The following MTMR9 variants were observed in gnomAD, a reference collection of about 807,000 sequenced individuals.
MTMR9 encodes the protein myotubularin-related protein 9.
In MTMR9, 39 loss-of-function variants were observed where a neutral mutation model predicts 69.5. That is an observed-to-expected ratio of 0.56 (90% CI 0.43 to 0.73). The LOEUF is 0.73. Among genes scored for constraint, MTMR9 ranks in the 30% least tolerant of loss-of-function variants. The probability of loss-of-function intolerance (pLI) is 0.00; values close to 1 mark genes in which losing one functional copy is unlikely to be tolerated. For synonymous variants in MTMR9, 354 were observed against 240.8 expected, an observed-to-expected ratio of 1.47 and a Z score of -4.35; for missense variants, 900 against 671.2, an observed-to-expected ratio of 1.34 and a Z score of -3.77.
At chr8:11,288,066 ATT>A (rs1337295195) in intron 1 of MTMR9, among the ~76,000 whole-genome samples, 1 of 130,666 alleles carries the variant, frequency 7.7e-6, no homozygotes, top group Non-Finnish European at 1.6e-5. Flanking sequence ...TATAATATAT[ATT>A]ATATTTCACC....
downstream of MTMR9, chr8:11,332,223 A>T: frequency 6.7e-7 from 1 of 1,482,790 alleles, no homozygotes; most frequent in Non-Finnish European, 9.0e-7. Flanking sequence ...ATTATAATAA[A>T]TCCTAGGAAA....
At chr8:11,303,331 CAAT>C (rs1799818625) in intron 3 of MTMR9, among the ~76,000 whole-genome samples, 1 of 151,150 alleles carries the variant, frequency 6.6e-6, no homozygotes, top group East Asian at 1.9e-4. Context: ...AGTAGGAAAT[CAAT>C]AATAATATAT....
intron 1 of MTMR9, among the ~76,000 whole-genome samples, chr8:11,288,303 A>G (rs1479488380): frequency 1.4e-5 from 2 of 139,552 alleles, no homozygotes; most frequent in Non-Finnish European, 3.0e-5. Context: ...AATATATATT[A>G]TAATATGTAT....
intron 3 of MTMR9, among the ~76,000 whole-genome samples, chr8:11,302,128 CTT>C: frequency 6.6e-6 from 1 of 151,446 alleles, no homozygotes; most frequent in Admixed American, 6.6e-5. Flanking sequence ...TAATGTGTGT[CTT>C]TGGTCCCAGT....
At chr8:11,320,513 G>C (rs895049838) in intron 9 of MTMR9, 1 of 152,192 alleles carries the variant, frequency 6.6e-6, no homozygotes, top group Non-Finnish European at 1.5e-5. Context: ...TGGATCACTT[G>C]AGGTCAGAAG....
At chr8:11,302,502 G>C (rs1163622927) in intron 3 of MTMR9, among the ~76,000 whole-genome samples, 1 of 151,988 alleles carries the variant, frequency 6.6e-6, no homozygotes, top group African/African-American at 2.4e-5. Flanking sequence ...TGACCTGCAT[G>C]GTGTTAGATT....
At chr8:11,308,376 C>G (rs1375553173) in intron 5 of MTMR9, among the ~76,000 whole-genome samples, 1 of 152,170 alleles carries the variant, frequency 6.6e-6, no homozygotes, top group African/African-American at 2.4e-5. Flanking sequence ...GGGTTTTATT[C>G]TGTTCCATTA....
intron 9 of MTMR9, among the ~76,000 whole-genome samples, chr8:11,321,980 G>A (rs1177973320): frequency 6.6e-6 from 1 of 152,186 alleles, no homozygotes; most frequent in African/African-American, 2.4e-5. Context: ...TTATTGTGGT[G>A]TGATACAGTT....
In MTMR9 at chr8:11,304,921, A is replaced by G. The variant is rs1264770670; in HGVS notation, c.498A>G (p.Lys166=). The G allele has an allele frequency of 6.2e-7, 1 of 1,613,998 alleles. No homozygotes were observed. ...PSYPPIVTVP[K]SIDDEALRKV... ...ACCCACCAATTGTCACAGTGCCCAA[A>G]TCCATCGATGATGAAGCTCTTCGGA... is the stretch of plus-strand genomic sequence containing the variant. Residue 166 remains lysine (K), a synonymous_variant, in exon 4 of 10, where the codon AAA becomes AAG. Coordinates refer to ENST00000221086, the MANE Select transcript of MTMR9 (RefSeq NM_015458.4).
intron 2 of MTMR9, among the ~76,000 whole-genome samples, chr8:11,297,292 T>C (rs1364397305): frequency 2.0e-5 from 3 of 152,264 alleles, no homozygotes; most frequent in Admixed American, 6.5e-5. Context: ...ATAACACATT[T>C]CTTCCTGCCT....
intron 6 of MTMR9, among the ~76,000 whole-genome samples, chr8:11,313,983 C>G (rs1800308026): frequency 6.6e-6 from 1 of 152,130 alleles, no homozygotes; most frequent in South Asian, 2.1e-4. Context: ...GAAGAGCAAC[C>G]AAGGGAAGAT....
rs562514521 is a variant in MTMR9, at chr8:11,326,335, C to A, written c.*3547C>A. On this transcript the variant is annotated 3_prime_UTR_variant, in exon 10 of 10. Transcript: ENST00000221086. ...ATAGAATGAATGAAAACAACACAAG[C>A]GTTTTATGAGCACTCTTTATCAGAA... 1 of 152,252 alleles carries A rather than the reference C, an allele frequency of 6.6e-6. No individual in the cohort carries two copies. Among genetic ancestry groups the A allele is most frequent in the Admixed American group, 6.5e-5 (1 of 15,298 alleles). The allele number at this position is 152,252 out of a possible 1,614,324, so 9.4% of individuals were successfully genotyped here. A position where few individuals can be genotyped will look rare whatever the true frequency, so the allele number is the denominator to read the frequency against.
intron 9 of MTMR9, 128 bp downstream of exon 9, chr8:11,319,966 A>C (rs1800604163): frequency 1.2e-6 from 1 of 830,046 alleles, no homozygotes; most frequent in Non-Finnish European, 1.8e-6. Flanking sequence ...GTGAATTGTC[A>C]TTCTCAGTGT....
rs952057766 is a variant in MTMR9 at position 11,285,065 on chromosome 8, C to G, written c.177C>G (p.Asp59Glu). The G allele has an allele frequency of 3.1e-6, 5 of 1,604,134 alleles. No homozygotes were observed. The highest frequency in any genetic ancestry group is 3.4e-6 in the Non-Finnish European group (4 of 1,174,502). The change falls in exon 1 of 10, where the codon GAC becomes GAG. Residue 59 changes from aspartate to glutamate, a missense_variant. By Grantham distance (45) the Asp-to-Glu change is conservative (BLOSUM62 2). Coordinates refer to ENST00000221086, the MANE Select transcript of MTMR9 (RefSeq NM_015458.4). ...WLLHSNIDAI[D>E]KRFVGSLGTI... ...TCCATTCAAACATCGACGCCATCGA[C>G]AAGCGGTGAGTGCCCGCCCCACCCC...
At chr8:11,332,274 A>T (rs374099111), downstream of MTMR9, 74 of 1,238,028 alleles carry the variant, frequency 6.0e-5, no homozygotes, top group African/African-American at 9.5e-4. Context: ...TAATATTGAG[A>T]TGTTCAGTTA....
At chr8:11,300,704 C>A (rs966510049) in intron 3 of MTMR9, 4 of 152,038 alleles carry the variant, frequency 2.6e-5, no homozygotes, top group African/African-American at 9.7e-5. Context: ...TATACAAAAA[C>A]GAATTGAATT....
chr8:11,313,630 T>A (rs1292188873), intron 6 of MTMR9, among the ~76,000 whole-genome samples: 2 of 152,214 alleles, frequency 1.3e-5, no homozygotes, highest in East Asian at 3.8e-4. Flanking sequence ...ATGTCAATAT[T>A]GTTGTGATCC....
At chr8:11,305,239 C>A (rs1302132969) in intron 4 of MTMR9, among the ~76,000 whole-genome samples, 3 of 152,130 alleles carry the variant, frequency 2.0e-5, no homozygotes. Flanking sequence ...CGTATAAAAG[C>A]CCTGATAGCT....
rs1585140039 is a variant in MTMR9, at chr8:11,323,733, T to C, written c.*945T>C. The C allele has an allele frequency of 6.6e-6, 1 of 152,250 alleles. No homozygotes were observed. Among genetic ancestry groups the C allele is most frequent in the Non-Finnish European group, 1.5e-5 (1 of 68,038 alleles). 9.4% of individuals were successfully genotyped at this position (152,250 alleles called of 1,614,324 possible). A position where few individuals can be genotyped will look rare whatever the true frequency, so the allele number is the denominator to read the frequency against. On this transcript the variant is annotated 3_prime_UTR_variant, in exon 10 of 10. Coordinates refer to ENST00000221086, the MANE Select transcript of MTMR9 (RefSeq NM_015458.4). ...ATGTGTGTTTTATTGTGTGTTTTTT[T>C]AATTTGTAAGTATTCTAAGAGTTTC...
Sources: allele counts gnomAD v4.1 joint callset (sites outside exome capture counted in the v4.1 genomes callset), GRCh38; gene constraint gnomAD v4.1.1; transcripts MANE v1.5; gene names NCBI Gene and HGNC (gene_info 2026-07-23, HGNC 2026-07-21).